PDCD11: variants seen among roughly 807,000 people sequenced by gnomAD.
The protein encoded by PDCD11 is programmed cell death 11.
PDCD11 carries 97 observed loss-of-function variants against 198.9 expected under a neutral mutation model. That is an observed-to-expected ratio of 0.49 (90% CI 0.41 to 0.58). PDCD11 has a LOEUF of 0.58. Ranked by LOEUF, PDCD11 falls within the 20% of genes least tolerant of loss-of-function variation. PDCD11 has a pLI of 0.00. For synonymous variants in PDCD11, 893 were observed against 918.0 expected, an observed-to-expected ratio of 0.97 and a Z score of 0.49; for missense variants, 2,102 against 2,312.7, an observed-to-expected ratio of 0.91 and a Z score of 1.87.
At chr10:103,437,953 G>T in intron 25 of PDCD11, 62 bp from the exon 26 acceptor site, 1 of 1,349,834 alleles carries the variant, frequency 7.4e-7, no homozygotes, top group South Asian at 1.2e-5. Context: ...AGGAAGCTGA[G>T]ACCCTTTGCT....
intron 15 of PDCD11, 81 bp from the exon 16 acceptor site, chr10:103,419,453 TGTCC>T: frequency 1.4e-6 from 2 of 1,427,780 alleles, no homozygotes; most frequent in South Asian, 2.7e-5. Context: ...CCTGCAGTTC[TGTCC>T]TTCTCTGTGG....
At chr10:103,400,612 T>C in intron 3 of PDCD11, 84 bp downstream of exon 3, 1 of 1,384,016 alleles carries the variant, frequency 7.2e-7, no homozygotes, top group Non-Finnish European at 1.0e-6. Context: ...TTTCCTTCTT[T>C]TTTCCCTTAA....
At chr10:103,438,960 T>C in intron 27 of PDCD11, 152 bp downstream of exon 27, 1 of 741,548 alleles carries the variant, frequency 1.3e-6, no homozygotes, top group Non-Finnish European at 2.2e-6. Context: ...ATTCCAAGTT[T>C]TCTAATACTT....
rs187041040 is a variant in PDCD11 at position 103,434,850 on chromosome 10, G to A, written c.3720G>A (p.Val1240=). 3.6e-4 allele frequency: 580 copies of A among 1,612,748 alleles called. No individual in the cohort carries two copies. The highest frequency in any genetic ancestry group is 2.7e-3 in the Admixed American group (164 of 59,864). ...TGGCCATGGGCCGAGTGGTGAAGGT[G>A]ACTCCCAACGAGGGGCTGACCGTCT... ...GEVAMGRVVK[V]TPNEGLTVSF... The change falls in exon 25 of 36, where the codon GTG becomes GTA. Residue 1240 remains valine, a synonymous_variant. Transcript: ENST00000369797.
chr10:103,445,135 A>G (rs1360985930), intron 35 of PDCD11, among the ~76,000 whole-genome samples: 1 of 152,174 alleles, frequency 6.6e-6, no homozygotes, highest in African/African-American at 2.4e-5. Flanking sequence ...GTGTGGCTTT[A>G]GGCAGGGAAG....
rs376170697 is a variant in PDCD11, at chr10:103,440,597, G to A, written c.4440+16G>A. On this transcript the variant is annotated intron_variant, in intron 29 of 35. Transcript: ENST00000369797. ...GAGTGAGCAGGTGAGGTCCTGCGGAGGGCTGTGGCTGCCTATCCTCCTCCT... is the reference window on the plus strand; with the variant it reads ...GAGTGAGCAGGTGAGGTCCTGCGGAAGGCTGTGGCTGCCTATCCTCCTCCT... 3.7e-6 allele frequency: 6 copies of A among 1,608,872 alleles called. No homozygotes were observed. In the East Asian group the frequency reaches 1.3e-4, roughly 36 times the overall value.
chr10:103,414,075 T>C lies in PDCD11; in HGVS notation c.1295T>C (p.Leu432Ser), dbSNP rs764673940. The part of the protein sequence containing the change: ...IDYSQMDELA[L>S]LSLRTSIIEA... ...TACAGCCAAATGGATGAACTGGCCTTGCTCTCTCTACGAACGTAAGTCTGT... is the reference window on the plus strand; with the variant it reads ...TACAGCCAAATGGATGAACTGGCCTCGCTCTCTCTACGAACGTAAGTCTGT... Residue 432 changes from leucine to serine, a missense_variant, in exon 10 of 36, where the codon TTG becomes TCG. Coordinates refer to ENST00000369797, the MANE Select transcript of PDCD11 (RefSeq NM_014976.2). The C allele has an allele frequency of 2.5e-6, 4 of 1,612,760 alleles. No homozygotes were observed. Among genetic ancestry groups the C allele is most frequent in the Non-Finnish European group, 3.4e-6 (4 of 1,179,516 alleles).
Position 103,425,202 on chromosome 10 carries a change from G to C in PDCD11, c.2982G>C (p.Val994=). The C allele has an allele frequency of 6.2e-7, 1 of 1,614,150 alleles. No homozygotes were observed. The highest frequency in any genetic ancestry group is 8.5e-7 in the Non-Finnish European group (1 of 1,180,028). The change falls in exon 20 of 36, where the codon GTG becomes GTC. Residue 994 remains valine (V), a synonymous_variant. Coordinates refer to ENST00000369797, the MANE Select transcript of PDCD11 (RefSeq NM_014976.2). The part of the protein sequence containing the change: ...EPGVTGLLLA[V]EGPAAKRTMR... ...GAGTGACTGGCCTTCTTTTGGCTGT[G>C]GAGGGGCCGGCTGCCAAGAGGACCA...
In PDCD11 at chr10:103,431,461, C is replaced by T. The variant is rs559252925; in HGVS notation, c.3369-668C>T. 7.2e-5 allele frequency among the ~76,000 whole-genome samples: 11 copies of T among 151,864 alleles called. No individual in the cohort carries two copies. The South Asian group carries it at 2.3e-3, about 32-fold the overall frequency. ...CAAAGAAATTAGCTGGGTGTGGTGG[C>T]GGGTGCCTGTAATCTCAGTTTTTGG... is the stretch of plus-strand genomic sequence containing the variant. On this transcript the variant is annotated intron_variant, in intron 21 of 35. Coordinates refer to ENST00000369797, the MANE Select transcript of PDCD11 (RefSeq NM_014976.2).
At position 103,406,679 on chromosome 10, in the gene PDCD11, T is replaced by C. The variant is rs2030472105; in HGVS notation, c.759T>C (p.Val253=). The C allele has an allele frequency of 1.2e-6, 2 of 1,614,172 alleles. No homozygotes were observed. The highest frequency in any genetic ancestry group is 1.7e-5 in the Admixed American group (1 of 60,024). The change falls in exon 7 of 36, where the codon GTT becomes GTC. Residue 253 remains valine, a synonymous_variant. Coordinates refer to ENST00000369797, the MANE Select transcript of PDCD11 (RefSeq NM_014976.2). The stretch of plus-strand genomic sequence containing the variant: ...AGGTGAAAGGCAACGGAGGAGTTGT[T>C]AGTCTGTCTGTTGGTCACTCAGAGG... ...VEKVKGNGGV[V]SLSVGHSEVS...
rs529516601 is a variant in PDCD11, at chr10:103,410,651, C to G, written c.978+845C>G. On this transcript the variant is annotated intron_variant, in intron 8 of 35. Coordinates refer to ENST00000369797, the MANE Select transcript of PDCD11 (RefSeq NM_014976.2). ...TAAGACAGTGTCTTACTCTGTCACC[C>G]AGGCTGGAGTGCAGTGGCGCAAACA... is the stretch of plus-strand genomic sequence containing the variant. Among the ~76,000 whole-genome samples, 44 of 149,156 alleles carry G rather than the reference C, an allele frequency of 2.9e-4. No homozygotes were observed. In the East Asian group the frequency reaches 7.5e-3, roughly 25 times the overall value.
At chr10:103,436,663 C>T (rs552230272) in intron 25 of PDCD11, among the ~76,000 whole-genome samples, 2 of 152,330 alleles carry the variant, frequency 1.3e-5, no homozygotes, top group African/African-American at 4.8e-5. Context: ...TCTCTGGTTT[C>T]TCTTGAGGCT....
intron 7 of PDCD11, among the ~76,000 whole-genome samples, chr10:103,408,198 C>G (rs935276892): frequency 3.3e-5 from 5 of 152,020 alleles, no homozygotes; most frequent in African/African-American, 1.2e-4. Flanking sequence ...TTCCTCCCAC[C>G]TAGAACCCTT....
chr10:103,432,226 TTAAAGAAAGTAAG>T lies in PDCD11; in HGVS notation c.3469_3474+7del. The T allele has an allele frequency of 6.2e-7, 1 of 1,605,376 alleles. No homozygotes were observed. The highest frequency in any genetic ancestry group is 8.5e-7 in the Non-Finnish European group (1 of 1,172,030). On this transcript the variant is annotated splice_donor_variant and splice_donor_5th_base_variant and coding_sequence_variant and intron_variant, in exon 22 of 36. Transcript: ENST00000369797. LOFTEE classifies it high-confidence loss of function. ...GGCCGGCCAGACTGTTACTTGCTTC[TTAAAGAAAGTAAG>T]TAGTTTTGCCACTCGGCAATGAGAT...
Position 103,408,314 on chromosome 10 carries a change from C to T in PDCD11, c.871-1385C>T, listed in dbSNP as rs187772124. On this transcript the variant is annotated intron_variant, in intron 7 of 35. Coordinates refer to ENST00000369797, the MANE Select transcript of PDCD11 (RefSeq NM_014976.2). ...CTGTCTCCTCTGTCTGTATTGGAGC[C>T]TTCTTTGGTCCCATGTATTCTTCTT... Among the ~76,000 whole-genome samples the T allele has an allele frequency of 1.5e-3, 229 of 152,064 alleles. 1 individual carries two copies. Among genetic ancestry groups the T allele is most frequent in the Non-Finnish European group, 2.7e-3 (182 of 67,970 alleles).
chr10:103,441,992 G>A lies in PDCD11; in HGVS notation c.4707+17G>A, dbSNP rs766547182. ...CAAGCCACGGTGCTGTATTTTGCAG[G>A]GCATGTCCTTTTTGCAGGGACCCCT... On this transcript the variant is annotated intron_variant, in intron 31 of 35. Coordinates refer to ENST00000369797, the MANE Select transcript of PDCD11 (RefSeq NM_014976.2). 1.9e-6 allele frequency: 3 copies of A among 1,613,516 alleles called. No individual in the cohort carries two copies. Among genetic ancestry groups the A allele is most frequent in the Non-Finnish European group, 2.5e-6 (3 of 1,179,520 alleles).
chr10:103,425,617 G>A (rs191134034), intron 20 of PDCD11, 92 bp downstream of exon 20: 80 of 1,069,968 alleles, frequency 7.5e-5, no homozygotes, highest in Admixed American at 3.7e-4. Flanking sequence ...AAAGTTGCAT[G>A]TAAGTCAGAT....
chr10:103,416,003 C>T (rs2031086784), intron 12 of PDCD11, among the ~76,000 whole-genome samples: 1 of 152,188 alleles, frequency 6.6e-6, no homozygotes, highest in Non-Finnish European at 1.5e-5. Context: ...CAAAATTTTA[C>T]AGTAGTGGGA....
chr10:103,438,231 T>C (rs1276065983), intron 26 of PDCD11, among the ~76,000 whole-genome samples, 160 bp downstream of exon 26: 1 of 152,218 alleles, frequency 6.6e-6, no homozygotes, highest in East Asian at 1.9e-4. Context: ...GCTGTTCAGA[T>C]TGCTGCAAGA....
Sources: gnomAD v4.1 joint callset for allele counts (sites outside exome capture counted in the v4.1 genomes callset) on GRCh38, gnomAD v4.1.1 for gene constraint, MANE v1.5 for transcripts, NCBI Gene and HGNC (gene_info 2026-07-23, HGNC 2026-07-21) for gene names.